Variants in AQP8 observed in about 807,000 individuals in gnomAD.
The protein encoded by AQP8 is aquaporin 8.
A neutral mutation model predicts 26.1 loss-of-function variants in AQP8; 14 were observed. The observed-to-expected ratio is 0.54, with a 90% confidence interval of 0.35 to 0.84. AQP8 has a LOEUF of 0.84. Among genes scored for constraint, AQP8 ranks in the 40% least tolerant of loss-of-function variants. AQP8 has a pLI of 0.01. For synonymous variants in AQP8, 131 were observed against 150.7 expected (o/e 0.87, Z 0.96); for missense variants, 301 against 340.5 (o/e 0.88, Z 0.91).
chr16:25,221,471 A>G lies in AQP8; in HGVS notation c.275A>G (p.Asn92Ser), dbSNP rs758076165. 5.0e-6 allele frequency: 8 copies of G among 1,613,938 alleles called. No individual in the cohort carries two copies. The South Asian group carries it at 6.6e-5, about 13-fold the overall frequency. The change falls in exon 3 of 6, where the codon AAC becomes AGC. Residue 92 changes from asparagine to serine, a missense_variant. Transcript: ENST00000219660. ...GTGGGTTACAGTGGTGGACACTTCA[A>G]CCCTGCGGTGTCCCTGGCAGCCATG... ...TLGNISGGHF[N>S]PAVSLAAMLI...
At chr16:25,226,993 A>G in intron 4 of AQP8, 75 bp from the exon 5 acceptor site, 1 of 1,605,198 alleles carries the variant, frequency 6.2e-7, no homozygotes, top group Non-Finnish European at 8.5e-7. Flanking sequence ...GACTAGGCCT[A>G]GTTGGGGACA....
At chr16:25,219,966 C>T (rs112754393) in intron 2 of AQP8, among the ~76,000 whole-genome samples, 5 of 151,458 alleles carry the variant, frequency 3.3e-5, no homozygotes, top group East Asian at 1.9e-4. Flanking sequence ...AACCAGGAGG[C>T]GGAGGTTGCA....
intron 2 of AQP8, among the ~76,000 whole-genome samples, chr16:25,220,779 G>C (rs530100416): frequency 1.7e-4 from 26 of 152,268 alleles, no homozygotes; most frequent in African/African-American, 6.0e-4. Context: ...GGCCGGGCAC[G>C]GTAGCTCGTG....
chr16:25,228,357 T>C (rs1232414958), intron 5 of AQP8, 87 bp from the exon 6 acceptor site: 1 of 1,298,922 alleles, frequency 7.7e-7, no homozygotes, highest in Non-Finnish European at 1.1e-6. Context: ...GAAGTCATCT[T>C]TCTGGAGACT....
chr16:25,227,900 C>T (rs1479093088), intron 5 of AQP8, among the ~76,000 whole-genome samples: 1 of 151,354 alleles, frequency 6.6e-6, no homozygotes, highest in Non-Finnish European at 1.5e-5. Context: ...CAGGCGTGAG[C>T]CACTGCACCC....
chr16:25,221,543 C>T lies in AQP8; in HGVS notation c.347C>T (p.Ser116Leu). The change falls in exon 3 of 6, where the codon TCA becomes TTA. Residue 116 changes from serine to leucine, a missense_variant. Transcript: ENST00000219660. ...GTGATGCTCCTCCCGTACTGGGTCT[C>T]ACAGCTGCTCGGGGGGATGCTCGGG... ...NLVMLLPYWV[S>L]QLLGGMLGAA... is the part of the protein sequence containing the mutation. 6.2e-7 allele frequency: 1 copy of T among 1,614,132 alleles called. No homozygotes were observed. The highest frequency in any genetic ancestry group is 8.5e-7 in the Non-Finnish European group (1 of 1,180,012).
At chr16:25,218,242 G>A (rs1962513661) in intron 2 of AQP8, among the ~76,000 whole-genome samples, 1 of 152,178 alleles carries the variant, frequency 6.6e-6, no homozygotes, top group Admixed American at 6.5e-5. Context: ...GGGGTTTTAG[G>A]GAAAGCAGAA....
At chr16:25,217,098 G>A (rs1159374411) in intron 1 of AQP8, 41 bp downstream of exon 1, 8 of 1,613,840 alleles carry the variant, frequency 5.0e-6, no homozygotes, top group East Asian at 2.2e-5. Flanking sequence ...GGCTGGCAGA[G>A]CAAGGGGGGC....
At position 25,224,254 on chromosome 16, in the gene AQP8, C is replaced by A. The variant is rs532952218; in HGVS notation, c.388-108C>A. The A allele has an allele frequency of 2.9e-4, 298 of 1,019,726 alleles. 3 individuals are homozygous for A. In the African/African-American group the frequency reaches 4.1e-3, roughly 14 times the overall value. The allele number at this position is 1,019,726 out of a possible 1,614,324, so 63.2% of individuals were successfully genotyped here. On this transcript the variant is annotated intron_variant, in intron 3 of 5. Transcript: ENST00000219660. ...TATATCTAACTGAAATTGGACATAA[C>A]CCTTCACTGGCTCTTAAGGTGGGTA...
chr16:25,220,949 G>T (rs1962554150), intron 2 of AQP8, among the ~76,000 whole-genome samples: 1 of 152,216 alleles, frequency 6.6e-6, no homozygotes, highest in Admixed American at 6.5e-5. Context: ...TACTTAGGAG[G>T]CTGAGTCAGA....
rs1166780016 is a variant in AQP8, at chr16:25,227,114, C to T, written c.649C>T (p.Pro217Ser). The change falls in exon 5 of 6, where the codon CCT (proline) becomes TCT (serine). Residue 217 changes from proline to serine, a missense_variant. By Grantham distance (74) the Pro-to-Ser change is moderately conservative (BLOSUM62 -1). Coordinates refer to ENST00000219660, the MANE Select transcript of AQP8 (RefSeq NM_001169.3). ...CATGAATCCCGCCCGTGCTTTTGGA[C>T]CTGCGGTGGTGGCCAACCACTGGAA... ...GCMNPARAFG[P>S]AVVANHWNFH... The T allele has an allele frequency of 1.2e-6, 2 of 1,614,008 alleles. No homozygotes were observed. The highest frequency in any genetic ancestry group is 3.3e-5 in the Admixed American group (2 of 59,992).
intron 3 of AQP8, among the ~76,000 whole-genome samples, chr16:25,222,665 CT>C (rs1962578314): frequency 6.7e-6 from 1 of 150,326 alleles, no homozygotes; most frequent in Non-Finnish European, 1.5e-5. Flanking sequence ...GTGGGCCTTG[CT>C]TGGTGTGTGT....
intron 2 of AQP8, among the ~76,000 whole-genome samples, chr16:25,220,221 C>T (rs1209683817): frequency 6.6e-6 from 1 of 152,096 alleles, no homozygotes; most frequent in Non-Finnish European, 1.5e-5. Context: ...GTCCTATGTC[C>T]TTTGGAGGAT....
chr16:25,222,423 C>T (rs1962575433), intron 3 of AQP8, among the ~76,000 whole-genome samples: 1 of 150,332 alleles, frequency 6.7e-6, no homozygotes, highest in South Asian at 2.1e-4. Flanking sequence ...ACCACATTGG[C>T]CTCCAACTCC....
chr16:25,226,605 C>T (rs891201131), intron 4 of AQP8, among the ~76,000 whole-genome samples: 3 of 152,164 alleles, frequency 2.0e-5, no homozygotes, highest in East Asian at 1.9e-4. Flanking sequence ...GTAATAATCA[C>T]GTCAAAGTAA....
chr16:25,222,544 G>T (rs1195386226), intron 3 of AQP8, among the ~76,000 whole-genome samples: 1 of 151,972 alleles, frequency 6.6e-6, no homozygotes, highest in Admixed American at 6.6e-5. Context: ...ATAAATCCAT[G>T]GATAGACTTT....
intron 3 of AQP8, among the ~76,000 whole-genome samples, chr16:25,223,329 A>C (rs1962588378): frequency 6.6e-6 from 1 of 152,226 alleles, no homozygotes; most frequent in African/African-American, 2.4e-5. Flanking sequence ...GCTCTCCTGC[A>C]CATGCCCCTT....
At chr16:25,228,124 A>G (rs1019218122) in intron 5 of AQP8, among the ~76,000 whole-genome samples, 1 of 151,860 alleles carries the variant, frequency 6.6e-6, no homozygotes, top group Non-Finnish European at 1.5e-5. Flanking sequence ...AAAATCAGCC[A>G]GGTGTGGTGG....
Position 25,217,266 on chromosome 16 carries a change from A to C in AQP8, c.81A>C (p.Arg27=), listed in dbSNP as rs1438977044. The change falls in exon 2 of 6, where the codon CGA becomes CGC. Residue 27 remains arginine, a synonymous_variant. Transcript: ENST00000219660. The part of the protein sequence containing the change: ...AREPSVGGRW[R]VSWYERFVQP... ...AGCCGAGCGTGGGTGGCAGGTGGCGAGTGTCCTGGTACGAACGGTTTGTGC... is the reference window on the plus strand; with the variant it reads ...AGCCGAGCGTGGGTGGCAGGTGGCGCGTGTCCTGGTACGAACGGTTTGTGC... The C allele has an allele frequency of 6.2e-7, 1 of 1,614,066 alleles. No homozygotes were observed. Among genetic ancestry groups the C allele is most frequent in the African/African-American group, 1.3e-5 (1 of 74,924 alleles).
Sources: gnomAD v4.1 joint callset for allele counts (sites outside exome capture counted in the v4.1 genomes callset) on GRCh38, gnomAD v4.1.1 for gene constraint, MANE v1.5 for transcripts, NCBI Gene and HGNC (gene_info 2026-07-23, HGNC 2026-07-21) for gene names.